KIAA1549L: variants seen among roughly 807,000 people sequenced by gnomAD.
KIAA1549L encodes KIAA1549 like, also known as UPF0606 protein KIAA1549L.
In KIAA1549L, 88 loss-of-function variants were observed where a neutral mutation model predicts 160.7. The observed-to-expected ratio is 0.55, with a 90% confidence interval of 0.46 to 0.65. The LOEUF (loss-of-function observed/expected upper bound fraction) is 0.65, where lower values mean the gene tolerates loss of function less well. KIAA1549L is among the 30% of genes least tolerant of loss of function. KIAA1549L has a pLI of 0.00. For missense variants in KIAA1549L, 2,258 were observed against 2,437.5 expected (o/e 0.93, Z 1.55); for synonymous variants, 950 against 976.7 (o/e 0.97, Z 0.51).
chr11:33,603,663 T>C (rs1035624202), intron 13 of KIAA1549L, among the ~76,000 whole-genome samples: 2 of 151,712 alleles, frequency 1.3e-5, no homozygotes, highest in Non-Finnish European at 1.5e-5. Context: ...AAAAATTAGC[T>C]GGGCGTGGTG....
chr11:33,650,719 G>A (rs1299459521), intron 17 of KIAA1549L, among the ~76,000 whole-genome samples: 1 of 152,082 alleles, frequency 6.6e-6, no homozygotes, highest in East Asian at 1.9e-4. Flanking sequence ...CCCTTGCTCT[G>A]TCATTCTCTT....
chr11:33,558,129 A>G (rs1854709303), intron 6 of KIAA1549L, among the ~76,000 whole-genome samples: 1 of 152,208 alleles, frequency 6.6e-6, no homozygotes, highest in South Asian at 2.1e-4. Flanking sequence ...GTCTGTAAAA[A>G]AATTTTTTTA....
rs1852554121 is a variant in KIAA1549L at position 33,668,262 on chromosome 11, T to A, written c.*108T>A. ...AGACATAGCAATGGGTGAGTCTTTCTCACCCTCCATTTCTGAAAAGGTGAA... is the reference window on the plus strand; with the variant it reads ...AGACATAGCAATGGGTGAGTCTTTCACACCCTCCATTTCTGAAAAGGTGAA... On this transcript the variant is annotated 3_prime_UTR_variant, in exon 21 of 21. Transcript: ENST00000658780. 9.9e-7 allele frequency: 1 copy of A among 1,012,856 alleles called. No homozygotes were observed. The highest frequency in any genetic ancestry group is 1.6e-5 in the South Asian group (1 of 61,238). The allele number at this position is 1,012,856 out of a possible 1,614,324, so 62.7% of individuals were successfully genotyped here.
intron 1 of KIAA1549L, among the ~76,000 whole-genome samples, chr11:33,474,390 C>A (rs184372998): frequency 5.9e-5 from 9 of 152,352 alleles, no homozygotes; most frequent in Admixed American, 4.6e-4. Context: ...AGTTATATAA[C>A]CTTTCCCTTG....
intron 1 of KIAA1549L, among the ~76,000 whole-genome samples, chr11:33,433,033 T>C: frequency 6.6e-6 from 1 of 152,182 alleles, no homozygotes; most frequent in Non-Finnish European, 1.5e-5. Flanking sequence ...GGCAAAGACT[T>C]CATGACAAAA....
intron 1 of KIAA1549L, among the ~76,000 whole-genome samples, chr11:33,518,049 T>C (rs1411936830): frequency 7.0e-6 from 1 of 142,670 alleles, no homozygotes; most frequent in Non-Finnish European, 1.5e-5. Context: ...CTGAGGCAGA[T>C]AATTGCTTGA....
chr11:33,444,182 A>G (rs1292541712), intron 1 of KIAA1549L, among the ~76,000 whole-genome samples: 1 of 152,246 alleles, frequency 6.6e-6, no homozygotes, highest in East Asian at 1.9e-4. Flanking sequence ...AACTGTCACA[A>G]TAGAATGAAA....
In KIAA1549L at chr11:33,426,895, G is replaced by A. The variant is rs116128739; in HGVS notation, c.238+50006G>A. Among the ~76,000 whole-genome samples the A allele has an allele frequency of 7.0e-3, 1,066 of 152,238 alleles. 14 individuals carry two copies. The highest frequency in any genetic ancestry group is 0.024 in the African/African-American group (1,007 of 41,532). On this transcript the variant is annotated intron_variant, in intron 1 of 20. Coordinates refer to ENST00000658780, the MANE Select transcript of KIAA1549L (RefSeq NM_012194.3). ...TATATCTGTGCTTGATAGAAAATTA[G>A]GAATCAGTGTTTTCCTACCCCCTAT...
At chr11:33,572,952 A>G (rs1049338036) in intron 9 of KIAA1549L, among the ~76,000 whole-genome samples, 7 of 152,132 alleles carry the variant, frequency 4.6e-5, no homozygotes, top group Non-Finnish European at 7.4e-5. Flanking sequence ...TTCCTCATCA[A>G]CACTTGGTGT....
rs565133355 is a variant in KIAA1549L at position 33,434,207 on chromosome 11, A to C, written c.238+57318A>C. 1.8e-4 allele frequency among the ~76,000 whole-genome samples: 28 copies of C among 152,242 alleles called. No individual in the cohort carries two copies. In the South Asian group the frequency reaches 4.2e-3, roughly 23 times the overall value. ...CTGATATGGTGGAGATAATTGAATC[A>C]TGGGGGCAGTTTCTCCCATACTGTT... On this transcript the variant is annotated intron_variant, in intron 1 of 20. Coordinates refer to ENST00000658780, the MANE Select transcript of KIAA1549L (RefSeq NM_012194.3).
Position 33,496,215 on chromosome 11 carries a change from C to G in KIAA1549L, c.239-45587C>G, listed in dbSNP as rs528535962. 1.2e-4 allele frequency among the ~76,000 whole-genome samples: 18 copies of G among 152,290 alleles called. No individual in the cohort carries two copies. The South Asian group carries it at 3.7e-3, about 32-fold the overall frequency. On this transcript the variant is annotated intron_variant, in intron 1 of 20. Coordinates refer to ENST00000658780, the MANE Select transcript of KIAA1549L (RefSeq NM_012194.3). ...CTGACCTCAGGTGATCCACCTGCCTCGGCCTCCCAAAGTGCTGGATGACAG... is the reference window on the plus strand; with the variant it reads ...CTGACCTCAGGTGATCCACCTGCCTGGGCCTCCCAAAGTGCTGGATGACAG...
intron 16 of KIAA1549L, among the ~76,000 whole-genome samples, chr11:33,631,164 T>C (rs921342502): frequency 6.6e-6 from 1 of 152,168 alleles, no homozygotes; most frequent in Non-Finnish European, 1.5e-5. Flanking sequence ...ACACACACTC[T>C]TGTTCAAAAT....
rs538864193 is a variant in KIAA1549L at position 33,646,180 on chromosome 11, C to T, written c.5760+144C>T. 3.0e-4 allele frequency: 198 copies of T among 664,668 alleles called. 1 individual carries two copies. The African/African-American group carries it at 3.2e-3, about 11-fold the overall frequency. The allele number at this position is 664,668 out of a possible 1,614,324, so 41.2% of individuals were successfully genotyped here. A position where few individuals can be genotyped will look rare whatever the true frequency, so the allele number is the denominator to read the frequency against. On this transcript the variant is annotated intron_variant, in intron 17 of 20. Coordinates refer to ENST00000658780, the MANE Select transcript of KIAA1549L (RefSeq NM_012194.3). Reference sequence around the variant, plus strand: ...ATGCCAGGCCCTCATCCCATCATCCCATCTTCCACCCATGATCCAAAGCCT... The same window carrying T: ...ATGCCAGGCCCTCATCCCATCATCCTATCTTCCACCCATGATCCAAAGCCT...
In KIAA1549L at chr11:33,388,109, C is replaced by G. The variant is rs1366464959; in HGVS notation, c.238+11220C>G. Among the ~76,000 whole-genome samples, 3 of 152,064 alleles carry G rather than the reference C, an allele frequency of 2.0e-5. No individual in the cohort carries two copies. The East Asian group carries it at 5.8e-4, about 29-fold the overall frequency. ...GGCCCTCTTTGCCTTGTGTATTAGT[C>G]CACTCTCACGCTACTATAAAGAACT... is the stretch of plus-strand genomic sequence containing the variant. On this transcript the variant is annotated intron_variant, in intron 1 of 20. Coordinates refer to ENST00000658780, the MANE Select transcript of KIAA1549L (RefSeq NM_012194.3).
chr11:33,496,647 C>T, intron 1 of KIAA1549L, among the ~76,000 whole-genome samples: 1 of 152,170 alleles, frequency 6.6e-6, no homozygotes, highest in African/African-American at 2.4e-5. Flanking sequence ...CTTGCTTCCA[C>T]TCTTGACTTC....
At chr11:33,667,428 T>A (rs1852505081) in intron 20 of KIAA1549L, among the ~76,000 whole-genome samples, 1 of 152,002 alleles carries the variant, frequency 6.6e-6, no homozygotes, top group Admixed American at 6.6e-5. Flanking sequence ...AGTCTCACTC[T>A]GTCGCCCAGG....
At chr11:33,503,442 A>G (rs537309321) in intron 1 of KIAA1549L, among the ~76,000 whole-genome samples, 1 of 152,266 alleles carries the variant, frequency 6.6e-6, no homozygotes, top group Non-Finnish European at 1.5e-5. Context: ...TCTATTGTAT[A>G]TGTATGTGTT....
chr11:33,456,892 C>T lies in KIAA1549L; in HGVS notation c.238+80003C>T, dbSNP rs112925701. Among the ~76,000 whole-genome samples the T allele has an allele frequency of 9.3e-3, 1,420 of 152,350 alleles. 20 individuals carry two copies. Among genetic ancestry groups the T allele is most frequent in the African/African-American group, 0.031 (1,289 of 41,574 alleles). On this transcript the variant is annotated intron_variant, in intron 1 of 20. Coordinates refer to ENST00000658780, the MANE Select transcript of KIAA1549L (RefSeq NM_012194.3). ...CCCATCATCTGCTCAGGCCTGGGAA[C>T]AGGCAACAGGGAAGAGAGATGCACA...
intron 1 of KIAA1549L, among the ~76,000 whole-genome samples, chr11:33,388,942 G>T (rs2134044302): frequency 6.6e-6 from 1 of 152,232 alleles, no homozygotes; most frequent in South Asian, 2.1e-4. Context: ...CTCAACATAG[G>T]CCAAGGTCGC....
Sources: gnomAD v4.1 joint callset for allele counts (sites outside exome capture counted in the v4.1 genomes callset) on GRCh38, gnomAD v4.1.1 for gene constraint, MANE v1.5 for transcripts, NCBI Gene and HGNC (gene_info 2026-07-23, HGNC 2026-07-21) for gene names.